The following VSTM1 variants were observed in gnomAD, a reference collection of about 807,000 sequenced individuals.
VSTM1 encodes V-set and transmembrane domain-containing protein 1.
VSTM1 carries 27 observed loss-of-function variants against 33.1 expected under a neutral mutation model. That is an observed-to-expected ratio of 0.82 (90% confidence interval 0.60 to 1.12). VSTM1 has a LOEUF of 1.12. Among genes scored for constraint, VSTM1 ranks in the 50% most tolerant of loss-of-function variants. The pLI is 0.00. For missense variants in VSTM1, 304 were observed against 288.9 expected (o/e 1.05, Z -0.38); for synonymous variants, 115 against 110.3 (o/e 1.04, Z -0.27).
chr19:54,059,823 C>T (rs568151282), intron 1 of VSTM1, among the ~76,000 whole-genome samples: 9 of 146,860 alleles, frequency 6.1e-5, no homozygotes, highest in African/African-American at 1.5e-4. Flanking sequence ...GTTATTTTAT[C>T]GTGGAGTGAG....
intron 1 of VSTM1, 80 bp from the exon 2 acceptor site, chr19:54,058,812 CTTTA>C: frequency 9.6e-7 from 1 of 1,042,550 alleles, no homozygotes; most frequent in East Asian, 2.4e-5. Context: ...ATGACTAGCT[CTTTA>C]TAGGTCTGAG....
chr19:54,046,085 T>G (rs1241779293), intron 4 of VSTM1, among the ~76,000 whole-genome samples: 2 of 152,198 alleles, frequency 1.3e-5, no homozygotes, highest in African/African-American at 4.8e-5. Flanking sequence ...ACCTATCATC[T>G]GTCTATCTAT....
chr19:54,041,973 G>A lies in VSTM1; in HGVS notation c.516-20C>T, dbSNP rs770350708. 3.1e-6 allele frequency: 5 copies of A among 1,614,002 alleles called. No homozygotes were observed. The East Asian group carries it at 8.9e-5, about 29-fold the overall frequency. On this transcript the variant is annotated intron_variant, in intron 6 of 8. Transcript: ENST00000338372. ...CTGGTTCTGAAAGAGAGAGACACAC[G>A]TGAAAGGATGGGATGTGAAGATTTC...
chr19:54,051,256 T>C (rs2070826468), intron 4 of VSTM1, among the ~76,000 whole-genome samples, 154 bp downstream of exon 4: 1 of 152,114 alleles, frequency 6.6e-6, no homozygotes, highest in Admixed American at 6.6e-5. Flanking sequence ...TGCGCCACTG[T>C]ACTCCAGCCT....
At chr19:54,061,529 G>A (rs1429429740) in intron 1 of VSTM1, among the ~76,000 whole-genome samples, 1 of 152,188 alleles carries the variant, frequency 6.6e-6, no homozygotes, top group African/African-American at 2.4e-5. Flanking sequence ...ACGGCCATGC[G>A]AAGACAGAGG....
At chr19:54,056,061 A>G (rs2071069120) in intron 3 of VSTM1, among the ~76,000 whole-genome samples, 1 of 139,896 alleles carries the variant, frequency 7.1e-6, no homozygotes, top group Non-Finnish European at 1.6e-5. Context: ...CATACTCTCA[A>G]CCACCTTAAT....
intron 8 of VSTM1, 135 bp from the exon 9 acceptor site, chr19:54,041,215 T>G: frequency 1.2e-6 from 1 of 851,740 alleles, no homozygotes; most frequent in Non-Finnish European, 1.6e-6. Flanking sequence ...ACCAGATGCA[T>G]TTCTTTTTCT....
At chr19:54,051,046 C>A (rs1189712985) in intron 4 of VSTM1, among the ~76,000 whole-genome samples, 1 of 151,838 alleles carries the variant, frequency 6.6e-6, no homozygotes, top group African/African-American at 2.4e-5. Context: ...GTAATCCCAG[C>A]ACTTTGGGAG....
At position 54,041,055 on chromosome 19, in the gene VSTM1, T is replaced by C. The variant is rs780989463; in HGVS notation, c.617A>G (p.Tyr206Cys). The C allele has an allele frequency of 1.4e-5, 23 of 1,602,584 alleles. 1 individual carries two copies. The South Asian group carries it at 2.1e-4, about 15-fold the overall frequency. ...CAGGGCGCTGGTGCTTAGCTCAGCA[T>C]AGGTCACTCCTTGGGGGTCTGCCGT... ...LSTADPQGVT[Y>C]AELSTSALSE... The change falls in exon 9 of 9, where the codon TAT (tyrosine) becomes TGT (cysteine). Residue 206 changes from tyrosine (Y) to cysteine (C), a missense_variant. Tyr to Cys is a radical substitution (Grantham distance 194, BLOSUM62 -2). Transcript: ENST00000338372.
intron 4 of VSTM1, among the ~76,000 whole-genome samples, chr19:54,044,421 A>C (rs372952714): frequency 6.6e-6 from 1 of 152,060 alleles, no homozygotes; most frequent in South Asian, 2.1e-4. Flanking sequence ...TAAGCTGGGC[A>C]TGGTGGCGCA....
At chr19:54,053,905 G>C (rs1485260226) in intron 3 of VSTM1, among the ~76,000 whole-genome samples, 1 of 142,104 alleles carries the variant, frequency 7.0e-6, no homozygotes, top group Non-Finnish European at 1.5e-5. Flanking sequence ...GTGAGCTCCT[G>C]TTGGCCAGAG....
At chr19:54,059,529 G>A (rs1253436510) in intron 1 of VSTM1, among the ~76,000 whole-genome samples, 1 of 151,956 alleles carries the variant, frequency 6.6e-6, no homozygotes, top group Non-Finnish European at 1.5e-5. Flanking sequence ...GTGCAGTGGT[G>A]CAGTCTCAGC....
At chr19:54,053,218 C>G (rs542531309) in intron 3 of VSTM1, among the ~76,000 whole-genome samples, 1 of 141,172 alleles carries the variant, frequency 7.1e-6, no homozygotes, top group African/African-American at 2.6e-5. Context: ...GCTGCTCTCT[C>G]TCCCTGGAGG....
intron 8 of VSTM1, 37 bp from the exon 9 acceptor site, chr19:54,041,117 T>C (rs902420242): frequency 2.2e-5 from 33 of 1,505,698 alleles, no homozygotes; most frequent in Admixed American, 2.7e-5. Flanking sequence ...AACTGAGTGT[T>C]CAATATGGCA....
intron 4 of VSTM1, among the ~76,000 whole-genome samples, chr19:54,046,086 GTCTA>G (rs1395500584): frequency 3.5e-4 from 53 of 151,804 alleles, no homozygotes; most frequent in Middle Eastern, 3.4e-3. Context: ...CCTATCATCT[GTCTA>G]TCTATCTAAT....
chr19:54,053,365 G>A (rs1047874298), intron 3 of VSTM1, among the ~76,000 whole-genome samples: 1 of 142,164 alleles, frequency 7.0e-6, no homozygotes, highest in Non-Finnish European at 1.6e-5. Context: ...CCCTCACCTT[G>A]AGTGTGGAGA....
At chr19:54,059,580 C>G (rs527620493) in intron 1 of VSTM1, among the ~76,000 whole-genome samples, 2 of 151,728 alleles carry the variant, frequency 1.3e-5, no homozygotes, top group African/African-American at 2.4e-5. Context: ...AAGTGATACT[C>G]GTACCTCAGG....
At chr19:54,042,237 C>T (rs774413641) in intron 5 of VSTM1, 40 bp downstream of exon 5, 13 of 1,613,902 alleles carry the variant, frequency 8.1e-6, no homozygotes, top group Non-Finnish European at 1.1e-5. Context: ...CGAGAAAATC[C>T]TTCACTCCCC....
rs148981993 is a variant in VSTM1, at chr19:54,059,307, C to T, written c.35-575G>A. On this transcript the variant is annotated intron_variant, in intron 1 of 8. Coordinates refer to ENST00000338372, the MANE Select transcript of VSTM1 (RefSeq NM_198481.4). Reference sequence around the variant, plus strand: ...AACTCCTGACCTCAGGTGATCCACACGCCTCGGCCTCCCAAAGTGCTGGGA... The same window carrying T: ...AACTCCTGACCTCAGGTGATCCACATGCCTCGGCCTCCCAAAGTGCTGGGA... Among the ~76,000 whole-genome samples the T allele has an allele frequency of 7.0e-3, 1,067 of 152,174 alleles. 11 individuals carry two copies. Among genetic ancestry groups the T allele is most frequent in the African/African-American group, 0.025 (1,024 of 41,524 alleles).
Sources: allele counts gnomAD v4.1 joint callset (sites outside exome capture counted in the v4.1 genomes callset), GRCh38; gene constraint gnomAD v4.1.1; transcripts MANE v1.5; gene names NCBI Gene and HGNC (gene_info 2026-07-23, HGNC 2026-07-21).